Variants in NTNG1 observed in about 807,000 individuals in gnomAD.
NTNG1 encodes the protein netrin-G1.
In NTNG1, 16 loss-of-function variants were observed where a neutral mutation model predicts 54.0. That is an observed-to-expected ratio of 0.30 (90% CI 0.20 to 0.45). NTNG1 has a LOEUF of 0.45. NTNG1 is among the 20% of genes least tolerant of loss of function. The pLI, the probability that NTNG1 is intolerant of heterozygous loss-of-function variation, is 1.00. For missense variants in NTNG1, 530 were observed against 678.7 expected (o/e 0.78, Z 2.43); for synonymous variants, 255 against 263.1 (o/e 0.97, Z 0.30).
intron 3 of NTNG1, among the ~76,000 whole-genome samples, chr1:107,327,740 A>G (rs1180698266): frequency 5.9e-5 from 9 of 152,086 alleles, no homozygotes; most frequent in Non-Finnish European, 1.2e-4. Context: ...GACATAAGTT[A>G]TTTTGGAAAA....
At chr1:107,203,674 A>G (rs1290243917) in intron 2 of NTNG1, among the ~76,000 whole-genome samples, 4 of 150,870 alleles carry the variant, frequency 2.7e-5, no homozygotes, top group Non-Finnish European at 5.9e-5. Context: ...TGGTTTTTCA[A>G]CTTGACCTTT....
At chr1:107,465,243 A>T (rs1177490742) in intron 7 of NTNG1, among the ~76,000 whole-genome samples, 2 of 152,222 alleles carry the variant, frequency 1.3e-5, no homozygotes, top group Non-Finnish European at 2.9e-5. Flanking sequence ...GTGCCAGAAA[A>T]AAAATGGATG....
At chr1:107,280,147 C>T (rs4534417) in intron 2 of NTNG1, among the ~76,000 whole-genome samples, 46,387 of 121,400 alleles carry the variant, frequency 0.38, 9,559 homozygotes, top group East Asian at 0.51. Context: ...TGATGTGTTT[C>T]GGTGCTAACC....
chr1:107,248,617 G>C (rs747859708), intron 2 of NTNG1, among the ~76,000 whole-genome samples: 60 of 152,024 alleles, frequency 3.9e-4, no homozygotes, highest in Non-Finnish European at 7.5e-4. Context: ...CTATAATGAC[G>C]ATCACAATAT....
intron 1 of NTNG1, among the ~76,000 whole-genome samples, chr1:107,145,190 C>G (rs1252299542): frequency 6.6e-6 from 1 of 152,058 alleles, no homozygotes; most frequent in Non-Finnish European, 1.5e-5. Flanking sequence ...CAGATAGACA[C>G]AGTGCCATTA....
At chr1:107,295,405 T>C (rs1665880714) in intron 2 of NTNG1, among the ~76,000 whole-genome samples, 1 of 152,174 alleles carries the variant, frequency 6.6e-6, no homozygotes. Context: ...AAACATCAAA[T>C]AACCTTGCTG....
intron 2 of NTNG1, among the ~76,000 whole-genome samples, chr1:107,297,719 A>G (rs1666071361): frequency 6.6e-6 from 1 of 152,172 alleles, no homozygotes; most frequent in African/African-American, 2.4e-5. Flanking sequence ...GGATGAAAAT[A>G]TCAACACATC....
chr1:107,182,877 G>A (rs1472429649), intron 2 of NTNG1, among the ~76,000 whole-genome samples: 13 of 152,150 alleles, frequency 8.5e-5, no homozygotes, highest in African/African-American at 2.4e-5. Context: ...ATAAATGATA[G>A]CATTCTGTTG....
At chr1:107,333,636 C>CAT (rs5776884) in intron 3 of NTNG1, among the ~76,000 whole-genome samples, 151,049 of 151,932 alleles carry the variant, frequency 0.99, 75,087 homozygotes, top group Middle Eastern at 1. Flanking sequence ...ATGAAAACAT[C>CAT]GTGTGTGTGT....
chr1:107,283,571 G>T lies in NTNG1; in HGVS notation c.247-40711G>T, dbSNP rs541429413. ...GTATTTAATGATTACCTTGTAATGAGCAAGTCAGATTAATTGCTGTATTGC... is the reference window on the plus strand; with the variant it reads ...GTATTTAATGATTACCTTGTAATGATCAAGTCAGATTAATTGCTGTATTGC... On this transcript the variant is annotated intron_variant, in intron 2 of 7. Transcript: ENST00000370068. Among the ~76,000 whole-genome samples the T allele has an allele frequency of 2.6e-5, 4 of 152,272 alleles. No homozygotes were observed. The East Asian group carries it at 7.7e-4, about 29-fold the overall frequency.
Position 107,436,753 on chromosome 1 carries a change from GT to G in NTNG1, c.1345del (p.Cys449ValfsTer79). The G allele has an allele frequency of 6.2e-7, 1 of 1,613,532 alleles. No homozygotes were observed. Among genetic ancestry groups the G allele is most frequent in the Non-Finnish European group, 8.5e-7 (1 of 1,179,608 alleles). The part of the protein sequence containing the change: ...ECKTGTTGPK[C>X]DECLPGNSWH... ...GTAAGACTGGAACAACAGGGCCTAA[GT>G]GTGATGAGTGTCTGCCGGGAAATTC... On this transcript the variant is annotated frameshift_variant, in exon 7 of 8. Coordinates refer to ENST00000370068, the MANE Select transcript of NTNG1 (RefSeq NM_001113226.3). LOFTEE classifies it high-confidence loss of function.
chr1:107,430,788 A>T lies in NTNG1; in HGVS notation c.1126A>T (p.Ile376Phe). ...CFGHSNRCSY[I>F]DLLNTVICVS... is the part of the protein sequence containing the mutation. ...CGGCCACTCCAATCGATGCAGTTAT[A>T]TCGATCTGCTAAATACAGTCATTTG... The change falls in exon 6 of 8, where the codon ATC becomes TTC. Residue 376 changes from isoleucine (I) to phenylalanine (F), a missense_variant. By Grantham distance (21) the Ile-to-Phe change is conservative. Around this residue, in one of 2 missense-constraint regions of NTNG1, gnomAD observed 212 missense variants for 213.6 expected, o/e 0.99. Transcript: ENST00000370068. 1 of 1,613,264 alleles carries T rather than the reference A, an allele frequency of 6.2e-7. No individual in the cohort carries two copies. The highest frequency in any genetic ancestry group is 8.5e-7 in the Non-Finnish European group (1 of 1,179,626).
intron 2 of NTNG1, among the ~76,000 whole-genome samples, chr1:107,174,801 C>T (rs1192231775): frequency 3.3e-5 from 5 of 151,320 alleles, no homozygotes; most frequent in Non-Finnish European, 5.9e-5. Flanking sequence ...GAAAATTTAT[C>T]TTATAAATTC....
chr1:107,356,206 C>T lies in NTNG1; in HGVS notation c.887+31284C>T, dbSNP rs146916023. 1.4e-3 allele frequency among the ~76,000 whole-genome samples: 214 copies of T among 152,074 alleles called. 1 individual carries two copies. Among genetic ancestry groups the T allele is most frequent in the African/African-American group, 3.9e-3 (162 of 41,488 alleles). ...AAAAGCTCTTTAAGAAATTTTAATC[C>T]GATGCTAAGATTAAAATGATATTGA... is the stretch of plus-strand genomic sequence containing the variant. On this transcript the variant is annotated intron_variant, in intron 3 of 7. Coordinates refer to ENST00000370068, the MANE Select transcript of NTNG1 (RefSeq NM_001113226.3).
At chr1:107,418,435 TG>T in intron 5 of NTNG1, 1 of 530,882 alleles carries the variant, frequency 1.9e-6, no homozygotes, top group Non-Finnish European at 3.4e-6. Flanking sequence ...TTGTTTGATG[TG>T]GGAGTCATGT....
At chr1:107,331,967 A>G (rs771157848) in intron 3 of NTNG1, among the ~76,000 whole-genome samples, 11 of 152,110 alleles carry the variant, frequency 7.2e-5, no homozygotes, top group Non-Finnish European at 1.2e-4. Context: ...ATTCAAATGA[A>G]AAGCATGGTA....
At chr1:107,277,375 G>A (rs1664549063) in intron 2 of NTNG1, among the ~76,000 whole-genome samples, 1 of 152,020 alleles carries the variant, frequency 6.6e-6, no homozygotes, top group African/African-American at 2.4e-5. Flanking sequence ...GAGGCAGTAG[G>A]GAATGTCCTT....
At chr1:107,251,340 C>A (rs985320617) in intron 2 of NTNG1, among the ~76,000 whole-genome samples, 1 of 152,152 alleles carries the variant, frequency 6.6e-6, no homozygotes, top group East Asian at 1.9e-4. Context: ...CTTATCTCCC[C>A]CTCACATACA....
chr1:107,192,858 T>A (rs1658064121), intron 2 of NTNG1, among the ~76,000 whole-genome samples: 1 of 152,074 alleles, frequency 6.6e-6, no homozygotes, highest in Non-Finnish European at 1.5e-5. Context: ...ATCTGACTAA[T>A]TCTGAATAAT....
Sources: gnomAD v4.1 joint callset for allele counts (sites outside exome capture counted in the v4.1 genomes callset) on GRCh38, gnomAD v4.1.1 for gene constraint, gnomAD v4.1.1 regional missense constraint, MANE v1.5 for transcripts, NCBI Gene and HGNC (gene_info 2026-07-23, HGNC 2026-07-21) for gene names.